SLC38A11: variants seen among roughly 807,000 people sequenced by gnomAD.
SLC38A11 encodes putative sodium-coupled neutral amino acid transporter 11.
Under a neutral mutation model 49.4 loss-of-function variants are expected in SLC38A11, and 51 were observed. That is an observed-to-expected ratio of 1.03 (90% CI 0.83 to 1.30). SLC38A11 has a LOEUF of 1.30. Ranked by LOEUF, SLC38A11 falls within the 50% of genes most tolerant of loss-of-function variation. The pLI is 0.00. For missense variants in SLC38A11, 574 were observed against 556.2 expected, an observed-to-expected ratio of 1.03 and a Z score of -0.32; for synonymous variants, 203 against 192.9, an observed-to-expected ratio of 1.05 and a Z score of -0.43.
At chr2:164,918,863 A>G (rs1379407017) in intron 7 of SLC38A11, among the ~76,000 whole-genome samples, 3 of 152,204 alleles carry the variant, frequency 2.0e-5, no homozygotes, top group African/African-American at 7.2e-5. Context: ...ATACTTTAAA[A>G]GATGTGCATG....
Position 164,920,558 on chromosome 2 carries a change from C to G in SLC38A11, c.618-4585G>C, listed in dbSNP as rs149419181. The stretch of plus-strand genomic sequence containing the variant: ...AGAAGAGATATCCGAGGAGAAGACA[C>G]TCTATGAAAACGAAACTGGATACTT... On this transcript the variant is annotated intron_variant, in intron 7 of 11. Transcript: ENST00000685975. Among the ~76,000 whole-genome samples the G allele has an allele frequency of 4.7e-3, 711 of 151,850 alleles. 3 individuals are homozygous for G. Among genetic ancestry groups the G allele is most frequent in the African/African-American group, 0.016 (677 of 41,402 alleles).
rs985570231 is a variant in SLC38A11 at position 164,939,901 on chromosome 2, A to G, written c.431-345T>C. 5.9e-5 allele frequency among the ~76,000 whole-genome samples: 9 copies of G among 151,852 alleles called. No individual in the cohort carries two copies. The East Asian group carries it at 1.7e-3, about 29-fold the overall frequency. On this transcript the variant is annotated intron_variant, in intron 5 of 11. Coordinates refer to ENST00000685975, the MANE Select transcript of SLC38A11 (RefSeq NM_001351537.2). The stretch of plus-strand genomic sequence containing the variant: ...AACTACAGAATTCCTTTTCTAAGGT[A>G]AAAAACATTATGTCACTCCCTGCCC...
At chr2:164,912,761 C>T (rs1685490135) in intron 9 of SLC38A11, among the ~76,000 whole-genome samples, 1 of 151,932 alleles carries the variant, frequency 6.6e-6, no homozygotes, top group Non-Finnish European at 1.5e-5. Context: ...CTAAATATAC[C>T]TTGAAACAAT....
At position 164,949,232 on chromosome 2, in the gene SLC38A11, T is replaced by A. The variant is rs186432403; in HGVS notation, c.229+3475A>T. ...AAATGACCTAATAAATATATTTTTA[T>A]TTATTTAATTTAATTAATTAATTTA... On this transcript the variant is annotated intron_variant, in intron 3 of 11. Transcript: ENST00000685975. 2.0e-5 allele frequency among the ~76,000 whole-genome samples: 3 copies of A among 152,010 alleles called. No homozygotes were observed. The East Asian group carries it at 5.8e-4, about 29-fold the overall frequency.
Position 164,942,756 on chromosome 2 carries a change from C to T in SLC38A11, c.430+1813G>A, listed in dbSNP as rs184847684. Among the ~76,000 whole-genome samples, 286 of 152,228 alleles carry T rather than the reference C, an allele frequency of 1.9e-3. 3 individuals carry two copies. Among genetic ancestry groups the T allele is most frequent in the Middle Eastern group, 0.017 (5 of 294 alleles). ...GCTGGCACAGAAGCTACAGACAGTT[C>T]GGGGTAACAATAATAATAGCTAATA... On this transcript the variant is annotated intron_variant, in intron 5 of 11. Coordinates refer to ENST00000685975, the MANE Select transcript of SLC38A11 (RefSeq NM_001351537.2).
chr2:164,919,740 T>C (rs1186519409), intron 7 of SLC38A11, among the ~76,000 whole-genome samples: 3 of 152,238 alleles, frequency 2.0e-5, no homozygotes, highest in Admixed American at 6.5e-5. Flanking sequence ...ATAGTAGTCA[T>C]ACTGTATTTT....
At chr2:164,941,479 C>T (rs1422965033) in intron 5 of SLC38A11, among the ~76,000 whole-genome samples, 2 of 152,142 alleles carry the variant, frequency 1.3e-5, no homozygotes, top group Admixed American at 6.5e-5. Flanking sequence ...ACAGAATGAA[C>T]ATTATAAACT....
intron 11 of SLC38A11, among the ~76,000 whole-genome samples, chr2:164,902,222 T>C (rs1684702115): frequency 6.6e-6 from 1 of 151,936 alleles, no homozygotes; most frequent in South Asian, 2.1e-4. Flanking sequence ...GGGATCACTA[T>C]GTTGCCCCAG....
chr2:164,942,543 C>T (rs1687853182), intron 5 of SLC38A11, among the ~76,000 whole-genome samples: 1 of 152,010 alleles, frequency 6.6e-6, no homozygotes, highest in African/African-American at 2.4e-5. Context: ...CCATGAATCT[C>T]ATGATTAAAA....
chr2:164,948,179 T>A (rs1018979895), intron 3 of SLC38A11, among the ~76,000 whole-genome samples: 12 of 152,180 alleles, frequency 7.9e-5, no homozygotes, highest in African/African-American at 2.9e-4. Context: ...ATTATGGTGT[T>A]TAATGTCCAC....
intron 1 of SLC38A11, 110 bp from the exon 2 acceptor site, chr2:164,954,855 T>C (rs1321866165): frequency 3.5e-6 from 2 of 567,938 alleles, no homozygotes; most frequent in South Asian, 2.8e-5. Flanking sequence ...ATAAGTAATG[T>C]CACTAATGAA....
In SLC38A11 at chr2:164,947,104, G is replaced by A. The variant is rs1368955751; in HGVS notation, c.230-1377C>T. On this transcript the variant is annotated intron_variant, in intron 3 of 11. Coordinates refer to ENST00000685975, the MANE Select transcript of SLC38A11 (RefSeq NM_001351537.2). Reference sequence around the variant, plus strand: ...ACTCTGCTCAAGTCCTGGATTCTTGGACTTTTTTATCTCTTTTTTTTTTTT... The same window carrying A: ...ACTCTGCTCAAGTCCTGGATTCTTGAACTTTTTTATCTCTTTTTTTTTTTT... Among the ~76,000 whole-genome samples, 65 of 115,038 alleles carry A rather than the reference G, an allele frequency of 5.7e-4. 1 individual carries two copies. The highest frequency in any genetic ancestry group is 2.3e-3 in the African/African-American group (58 of 24,824). 75.5% of individuals were successfully genotyped at this position (115,038 alleles called of 152,430 possible).
In SLC38A11 at chr2:164,897,125, A is replaced by G. The variant is rs1321154627; in HGVS notation, c.*1312T>C. ...AAGATTGTCATACATACAAAGACAC[A>G]AAGTCCTCATTAAAAAATCATTTAA... is the stretch of plus-strand genomic sequence containing the variant. On this transcript the variant is annotated 3_prime_UTR_variant, in exon 12 of 12. Coordinates refer to ENST00000685975, the MANE Select transcript of SLC38A11 (RefSeq NM_001351537.2). The G allele has an allele frequency of 6.6e-6, 1 of 152,170 alleles. No homozygotes were observed. Among genetic ancestry groups the G allele is most frequent in the Non-Finnish European group, 1.5e-5 (1 of 68,036 alleles). The allele number at this position is 152,170 out of a possible 1,614,324, so 9.4% of individuals were successfully genotyped here.
At chr2:164,905,084 A>C (rs1013149018) in intron 11 of SLC38A11, among the ~76,000 whole-genome samples, 2 of 151,964 alleles carry the variant, frequency 1.3e-5, no homozygotes, top group Admixed American at 6.6e-5. Flanking sequence ...GTAAGTACTC[A>C]ATACATGGTA....
intron 9 of SLC38A11, 106 bp downstream of exon 9, chr2:164,915,006 A>G: frequency 9.7e-7 from 1 of 1,033,384 alleles, no homozygotes; most frequent in East Asian, 2.8e-5. Flanking sequence ...GGAAGAGAGT[A>G]ATCTTTGAAA....
At chr2:164,927,836 T>C (rs1415216978) in intron 7 of SLC38A11, among the ~76,000 whole-genome samples, 1 of 152,208 alleles carries the variant, frequency 6.6e-6, no homozygotes, top group African/African-American at 2.4e-5. Context: ...ATTGAGACTG[T>C]CTTTCATAAG....
intron 7 of SLC38A11, among the ~76,000 whole-genome samples, chr2:164,917,887 G>A (rs748244432): frequency 2.0e-5 from 3 of 151,976 alleles, no homozygotes; most frequent in African/African-American, 4.8e-5. Flanking sequence ...AATACCTAGA[G>A]ATAATTTTGG....
At chr2:164,932,333 AT>A (rs1247631067) in intron 7 of SLC38A11, among the ~76,000 whole-genome samples, 1 of 152,180 alleles carries the variant, frequency 6.6e-6, no homozygotes, top group Admixed American at 6.6e-5. Context: ...AAGTTCAACC[AT>A]TGTGGAAGAC....
intron 7 of SLC38A11, among the ~76,000 whole-genome samples, chr2:164,935,849 A>G (rs1687334752): frequency 6.6e-6 from 1 of 152,090 alleles, no homozygotes; most frequent in Non-Finnish European, 1.5e-5. Context: ...CGCATGAGGG[A>G]AGGGTGGAGC....
Sources: gnomAD v4.1 joint callset for allele counts (sites outside exome capture counted in the v4.1 genomes callset) on GRCh38, gnomAD v4.1.1 for gene constraint, MANE v1.5 for transcripts, NCBI Gene and HGNC (gene_info 2026-07-23, HGNC 2026-07-21) for gene names.